Variants in PRKG1 observed in about 807,000 individuals in gnomAD.
The protein encoded by PRKG1 is protein kinase cGMP-dependent 1.
A neutral mutation model predicts 88.1 loss-of-function variants in PRKG1; 35 were observed. That is an observed-to-expected ratio of 0.40 (90% CI 0.30 to 0.53). The LOEUF (loss-of-function observed/expected upper bound fraction) is 0.53, where lower values mean the gene tolerates loss of function less well. Among genes scored for constraint, PRKG1 ranks in the 20% least tolerant of loss-of-function variants. The pLI, the probability that PRKG1 is intolerant of heterozygous loss-of-function variation, is 0.59. For missense variants in PRKG1, 540 were observed against 839.8 expected (o/e 0.64, Z 4.41); for synonymous variants, 303 against 292.5 (o/e 1.04, Z -0.37).
chr10:52,274,274 C>A (rs1050544567), intron 12 of PRKG1, among the ~76,000 whole-genome samples: 44 of 149,222 alleles, frequency 2.9e-4, no homozygotes, highest in Middle Eastern at 3.5e-3. Flanking sequence ...CCCTCACCCC[C>A]CTCCGACTCT....
chr10:51,819,256 T>A (rs1839680963), intron 4 of PRKG1, among the ~76,000 whole-genome samples: 1 of 151,896 alleles, frequency 6.6e-6, no homozygotes, highest in Admixed American at 6.6e-5. Flanking sequence ...AGGCTTTTTT[T>A]TTCTTTTTTA....
chr10:51,415,725 C>A (rs773193068), intron 2 of PRKG1, among the ~76,000 whole-genome samples: 12 of 152,126 alleles, frequency 7.9e-5, no homozygotes, highest in African/African-American at 2.9e-4. Flanking sequence ...AAATCCTTCC[C>A]GACACAAGCT....
At chr10:52,228,806 G>A (rs1173268509) in intron 9 of PRKG1, among the ~76,000 whole-genome samples, 2 of 152,162 alleles carry the variant, frequency 1.3e-5, no homozygotes, top group South Asian at 2.1e-4. Context: ...AACAGACCAG[G>A]ATCCTCAGGT....
intron 3 of PRKG1, among the ~76,000 whole-genome samples, chr10:51,641,302 C>T (rs553829350): frequency 1.3e-5 from 2 of 152,074 alleles, no homozygotes; most frequent in South Asian, 2.1e-4. Flanking sequence ...GTCCTGAGTC[C>T]CTGCTTCTTG....
At chr10:51,872,281 C>T (rs577717749) in intron 4 of PRKG1, among the ~76,000 whole-genome samples, 6 of 152,222 alleles carry the variant, frequency 3.9e-5, no homozygotes, top group African/African-American at 1.2e-4. Flanking sequence ...GCCTTAGTTT[C>T]CCCATCTATA....
intron 3 of PRKG1, among the ~76,000 whole-genome samples, chr10:51,651,662 C>T (rs549380669): frequency 6.6e-6 from 1 of 151,762 alleles, no homozygotes; most frequent in Non-Finnish European, 1.5e-5. Context: ...TGGCTCACTG[C>T]AACCTCTGCC....
intron 9 of PRKG1, among the ~76,000 whole-genome samples, chr10:52,239,727 C>A (rs1299282906): frequency 6.6e-6 from 1 of 151,986 alleles, no homozygotes; most frequent in African/African-American, 2.4e-5. Context: ...TTCATTTGAA[C>A]TGGCATATGG....
intron 3 of PRKG1, among the ~76,000 whole-genome samples, chr10:51,471,121 T>G (rs1234557703): frequency 2.6e-5 from 4 of 151,218 alleles, no homozygotes; most frequent in African/African-American, 9.7e-5. Context: ...AACATTATAT[T>G]GGAAACAAAA....
At chr10:51,821,060 A>T (rs1839732046) in intron 4 of PRKG1, among the ~76,000 whole-genome samples, 1 of 152,088 alleles carries the variant, frequency 6.6e-6, no homozygotes, top group Admixed American at 6.6e-5. Flanking sequence ...ACCATTACAG[A>T]TTAGTATTGC....
intron 1 of PRKG1, among the ~76,000 whole-genome samples, chr10:51,061,848 A>C (rs560096183): frequency 4.6e-5 from 7 of 152,216 alleles, no homozygotes; most frequent in Non-Finnish European, 8.8e-5. Context: ...AATTACCAAC[A>C]TTTGTATCAC....
chr10:51,460,155 A>G lies in PRKG1; in HGVS notation c.479-7568A>G, dbSNP rs979015396. ...AGAGGACCCCCTGGTTGTGACAACCAGGAATGTTTCCAGATATTACCAAAT... is the reference window on the plus strand; with the variant it reads ...AGAGGACCCCCTGGTTGTGACAACCGGGAATGTTTCCAGATATTACCAAAT... On this transcript the variant is annotated intron_variant, in intron 2 of 17. Transcript: ENST00000373980. Among the ~76,000 whole-genome samples, 11 of 152,226 alleles carry G rather than the reference A, an allele frequency of 7.2e-5. No individual in the cohort carries two copies. The South Asian group carries it at 2.1e-3, about 29-fold the overall frequency.
At position 51,968,472 on chromosome 10, in the gene PRKG1, A is replaced by T. The variant is rs533233552; in HGVS notation, c.762+60902A>T. ...TTCAGAGACCCTAAATTACTCATAC[A>T]TACATTCAATTCCTGTGTGTGCTGA... On this transcript the variant is annotated intron_variant, in intron 5 of 17. Transcript: ENST00000373980. Among the ~76,000 whole-genome samples, 15 of 152,232 alleles carry T rather than the reference A, an allele frequency of 9.9e-5. No homozygotes were observed. The South Asian group carries it at 3.1e-3, about 32-fold the overall frequency.
chr10:51,436,272 G>A (rs1366440521), intron 2 of PRKG1, among the ~76,000 whole-genome samples: 1 of 151,750 alleles, frequency 6.6e-6, no homozygotes, highest in East Asian at 2.0e-4. Flanking sequence ...ACCTGTGAAA[G>A]GGCAAGCGTA....
intron 2 of PRKG1, among the ~76,000 whole-genome samples, chr10:51,161,247 A>G (rs1427142645): frequency 2.0e-5 from 3 of 151,826 alleles, no homozygotes; most frequent in Non-Finnish European, 4.4e-5. Flanking sequence ...TTTTTTGGCT[A>G]AAATATATAA....
chr10:51,920,676 G>A (rs569999916), intron 5 of PRKG1, among the ~76,000 whole-genome samples: 1 of 152,204 alleles, frequency 6.6e-6, no homozygotes, highest in Admixed American at 6.5e-5. Context: ...CCTTAGCTAT[G>A]TGATCTTGAG....
intron 5 of PRKG1, among the ~76,000 whole-genome samples, chr10:51,995,537 A>G (rs1392438090): frequency 6.6e-6 from 1 of 152,100 alleles, no homozygotes; most frequent in Non-Finnish European, 1.5e-5. Context: ...AAATTATAAT[A>G]ATGATTATGT....
chr10:52,123,062 C>A (rs1484393344), intron 7 of PRKG1, among the ~76,000 whole-genome samples: 6 of 152,122 alleles, frequency 3.9e-5, no homozygotes, highest in Admixed American at 3.9e-4. Flanking sequence ...TTAACCTGCA[C>A]AAACAATTTT....
At chr10:52,104,682 T>C (rs1847373660) in intron 7 of PRKG1, among the ~76,000 whole-genome samples, 1 of 152,170 alleles carries the variant, frequency 6.6e-6, no homozygotes. Context: ...TCCTAAAAGA[T>C]TTTCTGTCTT....
At position 52,211,705 on chromosome 10, in the gene PRKG1, A is replaced by G. The variant is rs866682769; in HGVS notation, c.1077-39865A>G. On this transcript the variant is annotated intron_variant, in intron 9 of 17. Coordinates refer to ENST00000373980, the MANE Select transcript of PRKG1 (RefSeq NM_006258.4). The stretch of plus-strand genomic sequence containing the variant: ...ACACAAATACCTATCCTGGTAAAAA[A>G]AAAAAAAAAAAAGAAAAGTAATTCA... 2.4e-3 allele frequency among the ~76,000 whole-genome samples: 366 copies of G among 151,394 alleles called. 2 individuals are homozygous for G. Among genetic ancestry groups the G allele is most frequent in the Middle Eastern group, 0.01 (3 of 294 alleles).
Sources: allele counts gnomAD v4.1 joint callset (sites outside exome capture counted in the v4.1 genomes callset), GRCh38; gene constraint gnomAD v4.1.1; transcripts MANE v1.5; gene names NCBI Gene and HGNC (gene_info 2026-07-23, HGNC 2026-07-21).